The following PDE4D variants were observed in gnomAD, a reference collection of about 807,000 sequenced individuals.
PDE4D encodes the protein phosphodiesterase 4D.
In PDE4D, 24 loss-of-function variants were observed where a neutral mutation model predicts 87.4. That is an observed-to-expected ratio of 0.27 (90% CI 0.20 to 0.39). The LOEUF is 0.39. Among genes scored for constraint, PDE4D ranks in the 10% least tolerant of loss-of-function variants. The pLI is 1.00. For missense variants in PDE4D, 714 were observed against 1,041.0 expected, an observed-to-expected ratio of 0.69 and a Z score of 4.32; for synonymous variants, 384 against 383.2, an observed-to-expected ratio of 1.00 and a Z score of -0.02.
intron 2 of PDE4D, chr5:60,032,915 T>G (rs536159697): frequency 3.9e-5 from 6 of 152,296 alleles, no homozygotes; most frequent in Non-Finnish European, 7.4e-5. Flanking sequence ...CAGTTCTTCT[T>G]GCAAACTCTT....
At chr5:59,910,098 G>A (rs1753286162) in intron 3 of PDE4D, among the ~76,000 whole-genome samples, 1 of 151,980 alleles carries the variant, frequency 6.6e-6, no homozygotes, top group Non-Finnish European at 1.5e-5. Context: ...TTCCTTTTTG[G>A]GAGCTCATCT....
intron 1 of PDE4D, among the ~76,000 whole-genome samples, chr5:60,477,763 G>A (rs1289134236): frequency 1.3e-5 from 2 of 152,184 alleles, no homozygotes; most frequent in Non-Finnish European, 2.9e-5. Flanking sequence ...ACTTGCCCAT[G>A]CTTCGACCCC....
At chr5:59,028,722 AT>A (rs1483560048) in intron 6 of PDE4D, among the ~76,000 whole-genome samples, 1 of 152,116 alleles carries the variant, frequency 6.6e-6, no homozygotes, top group Non-Finnish European at 1.5e-5. Context: ...CGAATTTGCC[AT>A]TTTCTCCTCT....
Position 59,805,665 on chromosome 5 carries a change from A to G in PDE4D, c.455+87503T>C, listed in dbSNP as rs187277527. Among the ~76,000 whole-genome samples, 6 of 152,348 alleles carry G rather than the reference A, an allele frequency of 3.9e-5. No individual in the cohort carries two copies. The East Asian group carries it at 1.2e-3, about 29-fold the overall frequency. ...GTGAATGCTGGAGACAGGCAATGGC[A>G]CATCATCCAATACAGTGAACAAAGG... On this transcript the variant is annotated intron_variant, in intron 1 of 14. Coordinates refer to ENST00000340635, the MANE Select transcript of PDE4D (RefSeq NM_001104631.2).
At chr5:59,690,550 C>A (rs1461429379) in intron 1 of PDE4D, among the ~76,000 whole-genome samples, 1 of 152,174 alleles carries the variant, frequency 6.6e-6, no homozygotes, top group Non-Finnish European at 1.5e-5. Flanking sequence ...CTTCCGTACA[C>A]CTTATACAAA....
Position 59,029,634 on chromosome 5 carries a change from T to G in PDE4D, c.921+9225A>C, listed in dbSNP as rs75777192. Among the ~76,000 whole-genome samples the G allele has an allele frequency of 7.9e-3, 1,153 of 146,742 alleles. 16 individuals carry two copies. The highest frequency in any genetic ancestry group is 0.028 in the African/African-American group (1,093 of 39,382). On this transcript the variant is annotated intron_variant, in intron 6 of 14. Transcript: ENST00000340635. ...CAATGCAGTTCCTCTATTGATTCAA[T>G]GCAATTCCTTTCAAAATTCCAATGT...
intron 1 of PDE4D, among the ~76,000 whole-genome samples, chr5:59,590,136 T>C (rs1825716473): frequency 2.0e-5 from 3 of 152,188 alleles, no homozygotes; most frequent in African/African-American, 4.8e-5. Flanking sequence ...AAATAACTCA[T>C]TTCCAGCATT....
intron 1 of PDE4D, among the ~76,000 whole-genome samples, chr5:59,408,699 C>A (rs1403610316): frequency 6.6e-6 from 1 of 152,198 alleles, no homozygotes; most frequent in Non-Finnish European, 1.5e-5. Context: ...TGCCCAAGGC[C>A]TTGGAGTCTA....
intron 1 of PDE4D, among the ~76,000 whole-genome samples, chr5:59,373,518 G>A (rs866260317): frequency 6.6e-6 from 1 of 152,156 alleles, no homozygotes; most frequent in Non-Finnish European, 1.5e-5. Flanking sequence ...ACAAAACCGA[G>A]AAATATGAGA....
rs1370741203 is a variant in PDE4D, at chr5:59,649,902, AACCTTTT to A, written c.455+243259_455+243265del. 2.7e-4 allele frequency among the ~76,000 whole-genome samples: 12 copies of A among 43,794 alleles called. 1 individual carries two copies. Among genetic ancestry groups the A allele is most frequent in the Admixed American group, 1.2e-3 (4 of 3,286 alleles). 28.7% of individuals were successfully genotyped at this position (43,794 alleles called of 152,430 possible). A position where few individuals can be genotyped will look rare whatever the true frequency, so the allele number is the denominator to read the frequency against. ...ATTGTTAAAATGTTGATAGTTTGTG[AACCTTTT>A]TTTTTTTTTTTTTTTTTTTTTTTAG... On this transcript the variant is annotated intron_variant, in intron 1 of 14. Coordinates refer to ENST00000340635, the MANE Select transcript of PDE4D (RefSeq NM_001104631.2).
At chr5:59,369,670 C>A (rs1194521704) in intron 1 of PDE4D, among the ~76,000 whole-genome samples, 1 of 152,060 alleles carries the variant, frequency 6.6e-6, no homozygotes, top group Non-Finnish European at 1.5e-5. Context: ...AACTCTGGAC[C>A]CTCAATGTTG....
At chr5:60,323,903 T>C (rs1322859855) in intron 1 of PDE4D, among the ~76,000 whole-genome samples, 1 of 151,658 alleles carries the variant, frequency 6.6e-6, no homozygotes. Context: ...GCCTATTTAC[T>C]TCTGAGCTAT....
At chr5:59,283,244 C>T (rs921846999) in intron 1 of PDE4D, among the ~76,000 whole-genome samples, 20 of 152,068 alleles carry the variant, frequency 1.3e-4, no homozygotes, top group African/African-American at 4.3e-4. Flanking sequence ...AGCTTTAAAA[C>T]TTAAAAATAT....
intron 6 of PDE4D, among the ~76,000 whole-genome samples, chr5:59,037,370 G>A (rs1758705800): frequency 6.6e-6 from 1 of 152,108 alleles, no homozygotes; most frequent in Non-Finnish European, 1.5e-5. Context: ...TCAGGCCCAT[G>A]GCAAAGTGCT....
At chr5:59,213,931 A>G (rs909159446) in intron 2 of PDE4D, among the ~76,000 whole-genome samples, 5 of 151,538 alleles carry the variant, frequency 3.3e-5, no homozygotes, top group African/African-American at 1.2e-4. Context: ...CCTCATCACC[A>G]TGTACGTACA....
chr5:59,771,219 C>G (rs1763404469), intron 1 of PDE4D, among the ~76,000 whole-genome samples: 1 of 150,904 alleles, frequency 6.6e-6, no homozygotes, highest in Admixed American at 6.6e-5. Flanking sequence ...AGCTTATAGC[C>G]TAATAGGATA....
chr5:60,083,664 C>G (rs985993065), intron 2 of PDE4D, among the ~76,000 whole-genome samples: 1 of 152,040 alleles, frequency 6.6e-6, no homozygotes, highest in Non-Finnish European at 1.5e-5. Context: ...AGTCATTAGC[C>G]CCAATTTGTG....
intron 1 of PDE4D, among the ~76,000 whole-genome samples, chr5:60,455,863 C>T (rs952771570): frequency 1.3e-5 from 2 of 152,130 alleles, no homozygotes; most frequent in African/African-American, 2.4e-5. Context: ...GCCTGCACTT[C>T]GTAGTCAATG....
chr5:59,177,049 A>G (rs1331547044), intron 5 of PDE4D, among the ~76,000 whole-genome samples: 1 of 151,560 alleles, frequency 6.6e-6, no homozygotes, highest in Non-Finnish European at 1.5e-5. Context: ...TCTTTCCATT[A>G]CCCCCTTGTT....
Sources: gnomAD v4.1 joint callset for allele counts (sites outside exome capture counted in the v4.1 genomes callset) on GRCh38, gnomAD v4.1.1 for gene constraint, MANE v1.5 for transcripts, NCBI Gene and HGNC (gene_info 2026-07-23, HGNC 2026-07-21) for gene names.